ALDH1A1: variants seen among roughly 807,000 people sequenced by gnomAD.
ALDH1A1 encodes aldehyde dehydrogenase 1 family member A1.
A neutral mutation model predicts 62.1 loss-of-function variants in ALDH1A1; 19 were observed. The observed-to-expected ratio is 0.31, with a 90% CI of 0.21 to 0.45. ALDH1A1 has a LOEUF of 0.45. Among genes scored for constraint, ALDH1A1 ranks in the 20% least tolerant of loss-of-function variants. The pLI is 1.00. For missense variants in ALDH1A1, 521 were observed against 607.1 expected (o/e 0.86, Z 1.49); for synonymous variants, 231 against 215.9 (o/e 1.07, Z -0.61).
chr9:72,922,689 T>C (rs750257544), intron 7 of ALDH1A1, among the ~76,000 whole-genome samples: 9 of 152,210 alleles, frequency 5.9e-5, no homozygotes, highest in African/African-American at 1.4e-4. Flanking sequence ...GGATTCCCTA[T>C]TGGGGAGGGT....
intron 2 of ALDH1A1, among the ~76,000 whole-genome samples, chr9:72,932,355 C>T (rs1647785379): frequency 6.6e-6 from 1 of 152,122 alleles, no homozygotes; most frequent in South Asian, 2.1e-4. Flanking sequence ...AATTAACATC[C>T]TCCTCCTTAG....
At chr9:72,912,784 A>T (rs184705485) in intron 9 of ALDH1A1, among the ~76,000 whole-genome samples, 271 of 152,350 alleles carry the variant, frequency 1.8e-3, no homozygotes, top group Non-Finnish European at 3.2e-3. Flanking sequence ...CTATGTGCCA[A>T]GTATTACAGA....
intron 9 of ALDH1A1, among the ~76,000 whole-genome samples, chr9:72,914,617 A>G (rs1457585004): frequency 6.6e-6 from 1 of 152,166 alleles, no homozygotes; most frequent in African/African-American, 2.4e-5. Context: ...AAATGAAAAT[A>G]CTAATTTTTC....
intron 5 of ALDH1A1, 54 bp downstream of exon 5, chr9:72,927,062 T>C (rs187062349): frequency 1.6e-6 from 2 of 1,284,060 alleles, no homozygotes; most frequent in Admixed American, 4.3e-5. Context: ...CATCATTAGA[T>C]AGAATAAGAA....
intron 2 of ALDH1A1, among the ~76,000 whole-genome samples, chr9:72,937,925 C>A (rs940899924): frequency 6.6e-6 from 1 of 152,050 alleles, no homozygotes; most frequent in African/African-American, 2.4e-5. Flanking sequence ...ATTGTTAACC[C>A]CTATGGTTGA....
intron 6 of ALDH1A1, among the ~76,000 whole-genome samples, chr9:72,925,241 T>G (rs1830189650): frequency 6.6e-6 from 1 of 152,142 alleles, no homozygotes. Context: ...GAAGCAAAAA[T>G]GTGATCCCAA....
intron 12 of ALDH1A1, among the ~76,000 whole-genome samples, chr9:72,905,269 T>C (rs561062007): frequency 2.5e-4 from 38 of 152,256 alleles, no homozygotes; most frequent in African/African-American, 8.4e-4. Flanking sequence ...ATATTGCCAC[T>C]ACTTTCTGTA....
At position 72,924,221 on chromosome 9, in the gene ALDH1A1, A is replaced by G. The variant is rs547212147; in HGVS notation, c.634-89T>C. The stretch of plus-strand genomic sequence containing the variant: ...GGATTGAGATTGTCTCTTAATGCCA[A>G]CCTTATGAGATGCTCTAGAAAAAAA... On this transcript the variant is annotated intron_variant, in intron 6 of 12. Coordinates refer to ENST00000297785, the MANE Select transcript of ALDH1A1 (RefSeq NM_000689.5). 701 of 799,890 alleles carry G rather than the reference A, an allele frequency of 8.8e-4. 1 individual carries two copies. Among genetic ancestry groups the G allele is most frequent in the Middle Eastern group, 4.4e-3 (17 of 3,824 alleles). 49.5% of individuals were successfully genotyped at this position (799,890 alleles called of 1,614,324 possible).
chr9:72,941,487 T>C (rs1280123749), intron 1 of ALDH1A1, among the ~76,000 whole-genome samples: 1 of 152,196 alleles, frequency 6.6e-6, no homozygotes, highest in East Asian at 1.9e-4. Flanking sequence ...CCTGGTCTCC[T>C]CTATACTTCC....
chr9:72,941,698 T>A (rs1474212289), intron 1 of ALDH1A1, among the ~76,000 whole-genome samples: 1 of 152,152 alleles, frequency 6.6e-6, no homozygotes, highest in South Asian at 2.1e-4. Context: ...ATCTATAACG[T>A]TCTGCAAATG....
At chr9:72,940,022 C>T in intron 2 of ALDH1A1, 126 bp downstream of exon 2, 1 of 594,862 alleles carries the variant, frequency 1.7e-6, no homozygotes, top group Non-Finnish European at 2.9e-6. Flanking sequence ...GACAATTTTC[C>T]TAAGCTGCCC....
intron 10 of ALDH1A1, 129 bp from the exon 11 acceptor site, chr9:72,909,888 G>A (rs1829960120): frequency 1.4e-6 from 1 of 728,364 alleles, no homozygotes; most frequent in Admixed American, 3.4e-5. Context: ...TCAAACCTAT[G>A]TGTGAGAATC....
intron 6 of ALDH1A1, among the ~76,000 whole-genome samples, chr9:72,924,764 T>C (rs1035246092): frequency 6.6e-6 from 1 of 152,228 alleles, no homozygotes; most frequent in East Asian, 1.9e-4. Context: ...CTTTTCCCTG[T>C]TTTTAATTTC....
rs1830178220 is a variant in ALDH1A1 at position 72,924,215 on chromosome 9, A to G, written c.634-83T>C. On this transcript the variant is annotated intron_variant, in intron 6 of 12. Transcript: ENST00000297785. ...AGTAGGGGATTGAGATTGTCTCTTA[A>G]TGCCAACCTTATGAGATGCTCTAGA... 3 of 898,662 alleles carry G rather than the reference A, an allele frequency of 3.3e-6. No individual in the cohort carries two copies. The South Asian group carries it at 5.1e-5, about 15-fold the overall frequency. 55.7% of individuals were successfully genotyped at this position (898,662 alleles called of 1,614,324 possible).
chr9:72,912,450 A>G (rs1230713024), intron 9 of ALDH1A1, among the ~76,000 whole-genome samples: 1 of 152,194 alleles, frequency 6.6e-6, no homozygotes, highest in Non-Finnish European at 1.5e-5. Flanking sequence ...GTTAATCTAA[A>G]TACATTTACC....
chr9:72,901,743 G>A (rs1364761986), intron 12 of ALDH1A1, among the ~76,000 whole-genome samples: 1 of 151,940 alleles, frequency 6.6e-6, no homozygotes, highest in Non-Finnish European at 1.5e-5. Context: ...ATCACTACAA[G>A]GTCTACTCTA....
rs766761016 is a variant in ALDH1A1 at position 72,909,613 on chromosome 9, T to C, written c.1347A>G (p.Ala449=). The change falls in exon 11 of 13, where the codon GCA becomes GCG. Residue 449 remains alanine (A), a synonymous_variant. Transcript: ENST00000297785. ...TAGGTTGGACTTACCACACTGTTCCTGCCTGCAGAGCAGAGGAGATTGTTA... is the reference window on the plus strand; with the variant it reads ...TAGGTTGGACTTACCACACTGTTCCCGCCTGCAGAGCAGAGGAGATTGTTA... ...KAITISSALQ[A]GTVWVNCYGV... 9 of 1,612,944 alleles carry C rather than the reference T, an allele frequency of 5.6e-6. No homozygotes were observed. The highest frequency in any genetic ancestry group is 1.1e-5 in the South Asian group (1 of 90,796).
chr9:72,918,507 G>A (rs184887273), intron 8 of ALDH1A1, among the ~76,000 whole-genome samples: 3 of 151,958 alleles, frequency 2.0e-5, no homozygotes, highest in South Asian at 2.1e-4. Context: ...TATTCTAAAC[G>A]AGGAAGAAAT....
chr9:72,922,732 A>G (rs1013931114), intron 7 of ALDH1A1, among the ~76,000 whole-genome samples: 1 of 152,138 alleles, frequency 6.6e-6, no homozygotes, highest in African/African-American at 2.4e-5. Context: ...TTTCACCTTT[A>G]TTCCTCTGGT....
Sources: allele counts gnomAD v4.1 joint callset (sites outside exome capture counted in the v4.1 genomes callset), GRCh38; gene constraint gnomAD v4.1.1; transcripts MANE v1.5; gene names NCBI Gene and HGNC (gene_info 2026-07-23, HGNC 2026-07-21).